The following CTNNAL1 variants were observed in gnomAD, a reference collection of about 807,000 sequenced individuals.
CTNNAL1 encodes the protein alpha-catulin.
In CTNNAL1, 69 loss-of-function variants were observed where a neutral mutation model predicts 93.6. That is an observed-to-expected ratio of 0.74 (90% CI 0.61 to 0.90). The LOEUF is 0.90. CTNNAL1 is among the 40% of genes least tolerant of loss of function. CTNNAL1 has a pLI of 0.00. For missense variants in CTNNAL1, 836 were observed against 862.0 expected (o/e 0.97, Z 0.38); for synonymous variants, 286 against 305.4 (o/e 0.94, Z 0.66).
chr9:108,950,838 T>TA (rs1830541078), intron 14 of CTNNAL1: 1 of 398,378 alleles, frequency 2.5e-6, no homozygotes, highest in Non-Finnish European at 4.4e-6. Context: ...CCCTATGAGG[T>TA]AAGACTTTGT....
intron 11 of CTNNAL1, among the ~76,000 whole-genome samples, chr9:108,961,459 C>A (rs535627299): frequency 6.6e-6 from 1 of 152,176 alleles, no homozygotes; most frequent in Non-Finnish European, 1.5e-5. Flanking sequence ...CCTACATAAA[C>A]CCTTCCTGAA....
Position 108,972,794 on chromosome 9 carries a change from T to C in CTNNAL1, c.1228A>G (p.Lys410Glu), listed in dbSNP as rs1250320896. The C allele has an allele frequency of 5.0e-6, 8 of 1,590,456 alleles. No homozygotes were observed. The highest frequency in any genetic ancestry group is 6.8e-6 in the Non-Finnish European group (8 of 1,174,528). Residue 410 changes from lysine (K) to glutamate (E), a missense_variant, in exon 9 of 19, where the codon AAA (lysine) becomes GAA (glutamate). By Grantham distance (56) the Lys-to-Glu change is moderately conservative (BLOSUM62 1). Coordinates refer to ENST00000325551, the MANE Select transcript of CTNNAL1 (RefSeq NM_003798.4). The stretch of plus-strand genomic sequence containing the variant: ...AGAACCACATGATCAGCATGGTATT[T>C]TAATAGATCTGCTGCCAGCTGTGTC... ...TATQLAADLLKYHADHVVLKA... is the reference protein window; with the variant it reads ...TATQLAADLLEYHADHVVLKA...
chr9:108,959,364 CAAAAAAA>C (rs36116094), intron 11 of CTNNAL1, among the ~76,000 whole-genome samples: 3 of 55,838 alleles, frequency 5.4e-5, no homozygotes, highest in Admixed American at 2.4e-4. Context: ...GACTCCATAT[CAAAAAAA>C]AAAAAAAAAA....
intron 1 of CTNNAL1, among the ~76,000 whole-genome samples, chr9:109,010,023 TA>T (rs567533314): frequency 1.3e-5 from 2 of 152,238 alleles, no homozygotes; most frequent in South Asian, 4.1e-4. Context: ...TTACTTTTTC[TA>T]TTTTTTTTTA....
chr9:108,972,864 G>GGGGGGCGCCCCCCC, intron 8 of CTNNAL1, 31 bp from the exon 9 acceptor site: 10 of 142,480 alleles, frequency 7.0e-5, no homozygotes, highest in Non-Finnish European at 1.0e-4. Context: ...GGGGGGGTGG[G>GGGGGGCGCCCCCCC]AGGGTGGAGA....
intron 2 of CTNNAL1, 64 bp downstream of exon 2, chr9:108,999,003 T>G: frequency 6.7e-7 from 1 of 1,495,846 alleles, no homozygotes; most frequent in Non-Finnish European, 8.9e-7. Context: ...AAATCAATAA[T>G]TTTTCATCAT....
intron 9 of CTNNAL1, among the ~76,000 whole-genome samples, chr9:108,970,886 T>C (rs1831095565): frequency 6.6e-6 from 1 of 151,980 alleles, no homozygotes. Flanking sequence ...TATGTCAGAG[T>C]TACTACAAGC....
intron 11 of CTNNAL1, among the ~76,000 whole-genome samples, chr9:108,957,978 C>T (rs1431702749): frequency 3.5e-5 from 5 of 142,652 alleles, no homozygotes; most frequent in South Asian, 2.2e-4. Flanking sequence ...ATTAGCCAGG[C>T]GTAGTGGTGC....
At chr9:108,968,766 G>C (rs921523051) in intron 10 of CTNNAL1, among the ~76,000 whole-genome samples, 1 of 152,134 alleles carries the variant, frequency 6.6e-6, no homozygotes, top group African/African-American at 2.4e-5. Context: ...ACACACCATC[G>C]TTGAGTCTAG....
chr9:108,972,877 G>C lies in CTNNAL1; in HGVS notation c.1189-44C>G, dbSNP rs202214322. On this transcript the variant is annotated intron_variant, in intron 8 of 18. Coordinates refer to ENST00000325551, the MANE Select transcript of CTNNAL1 (RefSeq NM_003798.4). ...GTGGGGGGGTGGGAGGGTGGAGAAG[G>C]AGAAGGGTGATGAAGGAAAGAAAAC... 162 of 1,473,004 alleles carry C rather than the reference G, an allele frequency of 1.1e-4. No homozygotes were observed. The African/African-American group carries it at 2.3e-3, about 21-fold the overall frequency. The allele number at this position is 1,473,004 out of a possible 1,614,324, so 91.2% of individuals were successfully genotyped here.
intron 14 of CTNNAL1, among the ~76,000 whole-genome samples, chr9:108,950,023 CAA>C (rs145183101): frequency 4.0e-3 from 303 of 76,080 alleles, no homozygotes; most frequent in African/African-American, 0.013. Flanking sequence ...GGCTACATCT[CAA>C]AAAAAAAAAA....
chr9:108,972,864 G>GGGGGGGGGGGCCCC, intron 8 of CTNNAL1, 31 bp from the exon 9 acceptor site: 3 of 142,554 alleles, frequency 2.1e-5, no homozygotes, highest in African/African-American at 9.6e-5. Context: ...GGGGGGGTGG[G>GGGGGGGGGGGCCCC]AGGGTGGAGA....
intron 2 of CTNNAL1, among the ~76,000 whole-genome samples, chr9:108,996,417 C>T (rs1321629806): frequency 1.3e-5 from 2 of 152,088 alleles, no homozygotes; most frequent in Admixed American, 6.6e-5. Flanking sequence ...GAAAAAAAGG[C>T]TTCTATATTT....
At position 108,952,204 on chromosome 9, in the gene CTNNAL1, T is replaced by C; in HGVS notation, c.1835+5A>G. On this transcript the variant is annotated splice_donor_5th_base_variant and intron_variant, in intron 14 of 18. Transcript: ENST00000325551. ...TTTAAAAAATAAAAATACAACTACA[T>C]TTACCTAGTAAATAAATACAGAGAA... 1.9e-6 allele frequency: 3 copies of C among 1,604,388 alleles called. No homozygotes were observed. The highest frequency in any genetic ancestry group is 2.6e-6 in the Non-Finnish European group (3 of 1,175,636).
At chr9:108,945,078 T>A (rs1365763305) in intron 15 of CTNNAL1, among the ~76,000 whole-genome samples, 2 of 152,208 alleles carry the variant, frequency 1.3e-5, no homozygotes, top group Non-Finnish European at 2.9e-5. Context: ...AATCCATGTC[T>A]GTCTCATACA....
At chr9:108,996,849 C>T (rs1172253409) in intron 2 of CTNNAL1, among the ~76,000 whole-genome samples, 1 of 151,794 alleles carries the variant, frequency 6.6e-6, no homozygotes, top group African/African-American at 2.4e-5. Context: ...AATTTAGTGT[C>T]AGGAAAAAAA....
intron 14 of CTNNAL1, among the ~76,000 whole-genome samples, chr9:108,950,320 A>G (rs1425921484): frequency 6.6e-6 from 1 of 152,198 alleles, no homozygotes; most frequent in African/African-American, 2.4e-5. Context: ...ATGAACTTAA[A>G]AAGGTCAAAA....
intron 3 of CTNNAL1, among the ~76,000 whole-genome samples, chr9:108,991,381 CA>C (rs1380371532): frequency 1.3e-5 from 2 of 152,094 alleles, no homozygotes; most frequent in Non-Finnish European, 2.9e-5. Flanking sequence ...AATGGGCCAT[CA>C]GGGGTGAATA....
At chr9:108,988,243 T>C (rs7026972) in intron 4 of CTNNAL1, among the ~76,000 whole-genome samples, 54,446 of 151,940 alleles carry the variant, frequency 0.36, 10,025 homozygotes, top group Admixed American at 0.45. Context: ...GCCACCACAC[T>C]CAGCTAATTT....
Sources: allele counts gnomAD v4.1 joint callset (sites outside exome capture counted in the v4.1 genomes callset), GRCh38; gene constraint gnomAD v4.1.1; transcripts MANE v1.5; gene names NCBI Gene and HGNC (gene_info 2026-07-23, HGNC 2026-07-21).